Variants in IHO1 observed in about 807,000 individuals in gnomAD.
The protein encoded by IHO1 is interactor of HORMAD1 protein 1.
IHO1 carries 13 observed loss-of-function variants against 31.0 expected under a neutral mutation model. The observed-to-expected ratio is 0.42, with a 90% CI of 0.27 to 0.67. The LOEUF (loss-of-function observed/expected upper bound fraction) is 0.67. IHO1 is among the 30% of genes least tolerant of loss of function. The pLI is 0.24. For synonymous variants in IHO1, 221 were observed against 248.4 expected (o/e 0.89, Z 1.04); for missense variants, 599 against 687.5 (o/e 0.87, Z 1.44).
At chr3:49,224,924 C>T (rs1011649846) in intron 2 of IHO1, among the ~76,000 whole-genome samples, 29 of 152,174 alleles carry the variant, frequency 1.9e-4, no homozygotes, top group Admixed American at 1.4e-3. Flanking sequence ...TGTCTGATAG[C>T]GATAAACTTC....
At chr3:49,242,212 G>A (rs1196390019) in intron 4 of IHO1, among the ~76,000 whole-genome samples, 2 of 152,260 alleles carry the variant, frequency 1.3e-5, no homozygotes, top group African/African-American at 4.8e-5. Context: ...CAAAGTGCTG[G>A]CATTACAAGC....
chr3:49,217,540 G>A (rs2046304294), intron 2 of IHO1, among the ~76,000 whole-genome samples: 1 of 151,232 alleles, frequency 6.6e-6, no homozygotes, highest in Admixed American at 6.6e-5. Context: ...AATACCTAAT[G>A]TAAATGAGGA....
At chr3:49,234,767 T>G (rs1261412376) in intron 2 of IHO1, among the ~76,000 whole-genome samples, 1 of 152,200 alleles carries the variant, frequency 6.6e-6, no homozygotes, top group African/African-American at 2.4e-5. Context: ...TCCAATTACT[T>G]TCTATACACT....
At chr3:49,197,885 A>C (rs1391115407), upstream of IHO1, among the ~76,000 whole-genome samples, 1 of 152,050 alleles carries the variant, frequency 6.6e-6, no homozygotes, top group Non-Finnish European at 1.5e-5. Flanking sequence ...CATCTCAAAA[A>C]AAAAAAAAAA....
chr3:49,227,318 C>A (rs940384947), intron 2 of IHO1, among the ~76,000 whole-genome samples: 1 of 152,088 alleles, frequency 6.6e-6, no homozygotes, highest in Admixed American at 6.5e-5. Context: ...AAATTGGTCC[C>A]AATGGCTTAG....
chr3:49,223,023 C>T (rs2046372724), intron 2 of IHO1, among the ~76,000 whole-genome samples: 1 of 152,178 alleles, frequency 6.6e-6, no homozygotes, highest in Non-Finnish European at 1.5e-5. Context: ...TGAAACAACT[C>T]TGTTCCCTTT....
At chr3:49,251,277 T>A (rs1359433262) in intron 6 of IHO1, among the ~76,000 whole-genome samples, 1 of 146,022 alleles carries the variant, frequency 6.8e-6, no homozygotes, top group Non-Finnish European at 1.5e-5. Context: ...CATGCCACCA[T>A]GCCTGGCTAA....
At chr3:49,201,608 G>C (rs2046070558) in intron 1 of IHO1, among the ~76,000 whole-genome samples, 1 of 151,958 alleles carries the variant, frequency 6.6e-6, no homozygotes, top group South Asian at 2.1e-4. Context: ...GGTCGACAAA[G>C]CGAGACTGCA....
chr3:49,212,183 A>AG (rs2046228476), intron 2 of IHO1, among the ~76,000 whole-genome samples: 1 of 145,074 alleles, frequency 6.9e-6, no homozygotes, highest in Admixed American at 6.9e-5. Context: ...AAAAAAAAAA[A>AG]GGATTTTCCA....
chr3:49,195,378 C>T (rs2045990807), upstream of IHO1, among the ~76,000 whole-genome samples: 2 of 150,710 alleles, frequency 1.3e-5, no homozygotes, highest in Admixed American at 6.7e-5. Flanking sequence ...GTTGAGATCA[C>T]GCCATTCCAC....
At chr3:49,194,292 G>GTATATATATATATATATATATATA (rs141683116), upstream of IHO1, among the ~76,000 whole-genome samples, 47 of 120,158 alleles carry the variant, frequency 3.9e-4, no homozygotes, top group African/African-American at 1.3e-3. Flanking sequence ...AGTACAAAGT[G>GTATATATATATATATATATATATA]TATATATATA....
In IHO1 at chr3:49,236,659, A is replaced by G. The variant is rs780463412; in HGVS notation, c.168A>G (p.Ser56=). 7 of 1,614,134 alleles carry G rather than the reference A, an allele frequency of 4.3e-6. No homozygotes were observed. Among genetic ancestry groups the G allele is most frequent in the Admixed American group, 3.3e-5 (2 of 60,014 alleles). ...GTCCAGAAAATTCAGAAACCCTATC[A>G]GCACCCTTGGACTTTGGTGCCCACT... ...QFCPENSETL[S]APLDFGAHLR... Residue 56 remains serine, a synonymous_variant, in exon 3 of 8, where the codon TCA becomes TCG. Coordinates refer to ENST00000452691, the MANE Select transcript of IHO1 (RefSeq NM_001135197.2).
chr3:49,232,893 T>G (rs1374509025), intron 2 of IHO1, among the ~76,000 whole-genome samples: 2 of 152,202 alleles, frequency 1.3e-5, no homozygotes, highest in African/African-American at 2.4e-5. Context: ...AACGCCTGGA[T>G]GTAATGACTC....
intron 2 of IHO1, among the ~76,000 whole-genome samples, chr3:49,229,885 G>T (rs1482569794): frequency 6.6e-6 from 1 of 152,152 alleles, no homozygotes; most frequent in Non-Finnish European, 1.5e-5. Context: ...CAACGATGGG[G>T]AGCACAAGTT....
At chr3:49,201,756 A>AT (rs2046072254) in intron 1 of IHO1, among the ~76,000 whole-genome samples, 2 of 152,072 alleles carry the variant, frequency 1.3e-5, no homozygotes, top group Non-Finnish European at 2.9e-5. Context: ...GTCTCTACCA[A>AT]AAATACAAAA....
intron 2 of IHO1, among the ~76,000 whole-genome samples, chr3:49,234,162 G>GTTTTTCTTTTTTTTTTTTT (rs2046519327): frequency 1.1e-5 from 1 of 91,916 alleles, no homozygotes; most frequent in African/African-American, 4.3e-5. Context: ...TTTTGTTGTT[G>GTTTTTCTTTTTTTTTTTTT]TTTTTTTTTT....
At chr3:49,197,863 A>G (rs1227726764), upstream of IHO1, among the ~76,000 whole-genome samples, 2 of 151,194 alleles carry the variant, frequency 1.3e-5, no homozygotes, top group Non-Finnish European at 2.9e-5. Context: ...GAAACTCCTG[A>G]GAGTGAAACT....
intron 1 of IHO1, among the ~76,000 whole-genome samples, chr3:49,206,796 G>A (rs1167633393): frequency 2.6e-5 from 4 of 151,800 alleles, no homozygotes; most frequent in African/African-American, 4.8e-5. Context: ...ACTTTGGGAG[G>A]CCAAGGCAGG....
At chr3:49,228,365 A>G (rs1346635410) in intron 2 of IHO1, 3 of 447,806 alleles carry the variant, frequency 6.7e-6, no homozygotes, top group African/African-American at 4.0e-5. Flanking sequence ...GCCCTTTCCT[A>G]GAAAGCCTGA....
Sources: gnomAD v4.1 joint callset for allele counts (sites outside exome capture counted in the v4.1 genomes callset) on GRCh38, gnomAD v4.1.1 for gene constraint, MANE v1.5 for transcripts, NCBI Gene and HGNC (gene_info 2026-07-23, HGNC 2026-07-21) for gene names.